The following IL23R variants were observed in gnomAD, a reference collection of about 807,000 sequenced individuals.
IL23R encodes interleukin-23 receptor.
IL23R carries 34 observed loss-of-function variants against 56.9 expected under a neutral mutation model. That is an observed-to-expected ratio of 0.60 (90% CI 0.45 to 0.80). The LOEUF (loss-of-function observed/expected upper bound fraction) is 0.80, where lower values mean the gene tolerates loss of function less well. Among genes scored for constraint, IL23R ranks in the 30% least tolerant of loss-of-function variants. IL23R has a pLI of 0.00. For synonymous variants in IL23R, 230 were observed against 249.2 expected, an observed-to-expected ratio of 0.92 and a Z score of 0.73; for missense variants, 635 against 730.0, an observed-to-expected ratio of 0.87 and a Z score of 1.50.
chr1:67,227,339 A>G (rs11209025), intron 7 of IL23R, among the ~76,000 whole-genome samples: 72,293 of 152,052 alleles, frequency 0.48, 17,731 homozygotes, highest in African/African-American at 0.56. Flanking sequence ...TTAAAGGCTT[A>G]AGGGAAGGGC....
intron 4 of IL23R, among the ~76,000 whole-genome samples, chr1:67,194,720 A>T (rs1406993465): frequency 6.6e-6 from 1 of 152,314 alleles, no homozygotes; most frequent in African/African-American, 2.4e-5. Context: ...AGAACATATA[A>T]TGTGGTTTTC....
intron 1 of IL23R, among the ~76,000 whole-genome samples, chr1:67,156,097 A>G (rs1484302216): frequency 1.3e-5 from 2 of 152,092 alleles, no homozygotes; most frequent in East Asian, 3.9e-4. Context: ...TCCAGACTCT[A>G]TTCTCCTGGG....
chr1:67,226,849 CT>C (rs1650651983), intron 7 of IL23R, among the ~76,000 whole-genome samples: 1 of 152,174 alleles, frequency 6.6e-6, no homozygotes, highest in South Asian at 2.1e-4. Flanking sequence ...CTAGTACTAT[CT>C]GGTCACCTCT....
At chr1:67,231,655 A>G (rs568977100) in intron 7 of IL23R, among the ~76,000 whole-genome samples, 40 of 152,328 alleles carry the variant, frequency 2.6e-4, no homozygotes, top group Non-Finnish European at 5.3e-4. Context: ...GTAAAACATG[A>G]TGAAACATTA....
intron 4 of IL23R, among the ~76,000 whole-genome samples, chr1:67,188,269 A>G (rs901382790): frequency 2.6e-5 from 4 of 152,134 alleles, no homozygotes; most frequent in African/African-American, 9.7e-5. Context: ...TTCTTATCCA[A>G]GTTCCAGGCA....
intron 1 of IL23R, among the ~76,000 whole-genome samples, chr1:67,141,584 C>A (rs1003569074): frequency 5.9e-5 from 9 of 152,006 alleles, no homozygotes; most frequent in Non-Finnish European, 5.9e-5. Context: ...ACAGCAAGAC[C>A]CCATCTCTAC....
chr1:67,257,587 A>G (rs1316593449), intron 10 of IL23R, among the ~76,000 whole-genome samples: 2 of 152,218 alleles, frequency 1.3e-5, no homozygotes, highest in African/African-American at 2.4e-5. Flanking sequence ...AAGGCCAGCC[A>G]TCTGTTGGAA....
rs111512795 is a variant in IL23R at position 67,142,657 on chromosome 1, C to T, written c.-634+3496C>T. Among the ~76,000 whole-genome samples, 1,071 of 152,268 alleles carry T rather than the reference C, an allele frequency of 7.0e-3. 15 individuals carry two copies. The highest frequency in any genetic ancestry group is 0.025 in the African/African-American group (1,032 of 41,552). On this transcript the variant is annotated intron_variant, in intron 1 of 10. Coordinates refer to the IL23R transcript ENST00000637002. ...CTCGGCTCACTGCAACCTTCACCTC[C>T]TGGGTTCAAGCGATTCTCCTGTCTC...
intron 8 of IL23R, among the ~76,000 whole-genome samples, chr1:67,239,775 A>T (rs576313698): frequency 4.6e-5 from 7 of 152,196 alleles, no homozygotes; most frequent in Non-Finnish European, 8.8e-5. Flanking sequence ...TCTATCTCAC[A>T]CAAAAAGTTA....
intron 7 of IL23R, among the ~76,000 whole-genome samples, chr1:67,235,397 T>C (rs1168688318): frequency 5.8e-4 from 1 of 1,730 alleles, no homozygotes; most frequent in Non-Finnish European, 1.1e-3. Flanking sequence ...TTCTTTTTTC[T>C]TTTTTTTTTT....
At chr1:67,236,925 C>T (rs1024240004) in intron 8 of IL23R, 123 bp downstream of exon 8, 9 of 703,494 alleles carry the variant, frequency 1.3e-5, no homozygotes, top group Non-Finnish European at 2.1e-5. Flanking sequence ...CTTATGTCTT[C>T]CATAGGAAAA....
At chr1:67,236,951 A>C (rs531145132) in intron 8 of IL23R, 149 bp downstream of exon 8, 1 of 666,516 alleles carries the variant, frequency 1.5e-6, no homozygotes, top group African/African-American at 1.8e-5. Flanking sequence ...GACAAAGTAC[A>C]AAGATCTGCT....
intron 8 of IL23R, among the ~76,000 whole-genome samples, chr1:67,239,156 C>T (rs1211860585): frequency 6.6e-6 from 1 of 152,144 alleles, no homozygotes; most frequent in African/African-American, 2.4e-5. Context: ...AGGGAGAAAG[C>T]ATGATGAGCC....
At chr1:67,217,597 A>G (rs1558248780) in intron 6 of IL23R, among the ~76,000 whole-genome samples, 1 of 151,990 alleles carries the variant, frequency 6.6e-6, no homozygotes, top group Non-Finnish European at 1.5e-5. Flanking sequence ...AAATTTCTCT[A>G]GATCCCAGGA....
At position 67,241,673 on chromosome 1, in the gene IL23R, G is replaced by A. The variant is rs545335825; in HGVS notation, c.1148+1392G>A. 2.6e-5 allele frequency among the ~76,000 whole-genome samples: 4 copies of A among 152,316 alleles called. No individual in the cohort carries two copies. The South Asian group carries it at 8.3e-4, about 32-fold the overall frequency. ...GCTCTTGTTATTCCAGTTGAAGAGA[G>A]ACCATTTGACATTCTGGAGATGGCT... On this transcript the variant is annotated intron_variant, in intron 9 of 10. Transcript: ENST00000347310.
intron 4 of IL23R, among the ~76,000 whole-genome samples, chr1:67,184,148 T>C (rs1172720465): frequency 6.6e-6 from 1 of 151,916 alleles, no homozygotes; most frequent in Non-Finnish European, 1.5e-5. Context: ...GCAGGGAGAA[T>C]TGCTTGAACC....
chr1:67,186,236 C>G (rs1217723223), intron 4 of IL23R, among the ~76,000 whole-genome samples: 1 of 152,194 alleles, frequency 6.6e-6, no homozygotes, highest in Non-Finnish European at 1.5e-5. Flanking sequence ...CAGAGATAGC[C>G]TAGTGTCTTG....
intron 9 of IL23R, among the ~76,000 whole-genome samples, chr1:67,244,455 T>G (rs1652073806): frequency 6.6e-6 from 1 of 152,160 alleles, no homozygotes; most frequent in Non-Finnish European, 1.5e-5. Context: ...GGTCTTATGT[T>G]TAAGTATTGA....
downstream of IL23R, among the ~76,000 whole-genome samples, chr1:67,262,395 A>G (rs1230722461): frequency 6.6e-6 from 1 of 152,178 alleles, no homozygotes; most frequent in African/African-American, 2.4e-5. Flanking sequence ...TAGAGAGGTA[A>G]AATGGGATAA....
Sources: allele counts gnomAD v4.1 joint callset (sites outside exome capture counted in the v4.1 genomes callset), GRCh38; gene constraint gnomAD v4.1.1; transcripts MANE v1.5; gene names NCBI Gene and HGNC (gene_info 2026-07-23, HGNC 2026-07-21).